RSF1: variants seen among roughly 807,000 people sequenced by gnomAD.
RSF1 encodes the protein HBV pX-associated protein 8.
Under a neutral mutation model 145.2 loss-of-function variants are expected in RSF1, and 13 were observed. That is an observed-to-expected ratio of 0.09 (90% CI 0.06 to 0.14). RSF1 has a LOEUF of 0.14. RSF1 is among the 10% of genes least tolerant of loss of function. The pLI, the probability that RSF1 is intolerant of heterozygous loss-of-function variation, is 1.00. For missense variants in RSF1, 1,517 were observed against 1,718.2 expected, an observed-to-expected ratio of 0.88 and a Z score of 2.07; for synonymous variants, 577 against 592.6, an observed-to-expected ratio of 0.97 and a Z score of 0.38.
intron 2 of RSF1, among the ~76,000 whole-genome samples, chr11:77,756,552 C>T (rs1444660704): frequency 6.6e-6 from 1 of 151,954 alleles, no homozygotes; most frequent in Non-Finnish European, 1.5e-5. Context: ...GACAAACGCT[C>T]GGATACCATG....
intron 1 of RSF1, among the ~76,000 whole-genome samples, chr11:77,792,063 G>T (rs2135967694): frequency 6.6e-6 from 1 of 152,306 alleles, no homozygotes; most frequent in East Asian, 1.9e-4. Context: ...AAAGAAAGAG[G>T]TTTATTGCAT....
intron 2 of RSF1, among the ~76,000 whole-genome samples, chr11:77,754,683 G>A (rs1215085093): frequency 6.6e-6 from 1 of 152,028 alleles, no homozygotes; most frequent in African/African-American, 2.4e-5. Flanking sequence ...GATGGTGGCT[G>A]CAGTGAGCTG....
At chr11:77,673,565 TAAAC>T (rs1444371599) in intron 14 of RSF1, among the ~76,000 whole-genome samples, 2 of 152,072 alleles carry the variant, frequency 1.3e-5, no homozygotes, top group Admixed American at 6.6e-5. Context: ...CTGTCATAAA[TAAAC>T]AAACATATGG....
intron 1 of RSF1, among the ~76,000 whole-genome samples, chr11:77,798,204 A>T (rs1948591390): frequency 6.6e-6 from 1 of 152,194 alleles, no homozygotes; most frequent in African/African-American, 2.4e-5. Flanking sequence ...AAGACACATG[A>T]ACACGTATGT....
the RSF1 span, among the ~76,000 whole-genome samples, chr11:77,832,973 GTGTGTGTGTGTGT>G: frequency 1.5e-5 from 1 of 64,816 alleles, no homozygotes; most frequent in African/African-American, 8.4e-5. Flanking sequence ...GTGTGTGTGT[GTGTGTGTGTGTGT>G]GTGTGTGTGT....
chr11:77,763,795 T>C (rs1247152206), intron 2 of RSF1: 2 of 152,104 alleles, frequency 1.3e-5, no homozygotes, highest in Non-Finnish European at 2.9e-5. Flanking sequence ...AGGCAGAAGA[T>C]ACCATATATG....
In RSF1 at chr11:77,686,614, T is replaced by A. The variant is rs1960014756; in HGVS notation, c.2901-1455A>T. Among the ~76,000 whole-genome samples the A allele has an allele frequency of 5.3e-5, 8 of 151,954 alleles. No individual in the cohort carries two copies. The South Asian group carries it at 1.7e-3, about 32-fold the overall frequency. ...GCTAGGTCTTTTAGAGTGCAGCCTT[T>A]AGTGCCCTGCTAACAAGAATATTCA... On this transcript the variant is annotated intron_variant, in intron 9 of 15. Transcript: ENST00000308488.
At chr11:77,813,619 T>C in intron 1 of RSF1, 1 of 621,652 alleles carries the variant, frequency 1.6e-6, no homozygotes, top group East Asian at 3.0e-5. Context: ...GTGATTCAAT[T>C]TCGGTGAACT....
intron 2 of RSF1, among the ~76,000 whole-genome samples, chr11:77,757,138 G>GA (rs1948124138): frequency 6.6e-6 from 1 of 152,096 alleles, no homozygotes; most frequent in South Asian, 2.1e-4. Flanking sequence ...ATTTGAGAAA[G>GA]AAAAAAACTA....
rs1174197291 is a variant in RSF1 at position 77,665,320 on chromosome 11, G to C, written c.*1597C>G. The C allele has an allele frequency of 3.9e-5, 6 of 152,146 alleles. No individual in the cohort carries two copies. Among genetic ancestry groups the C allele is most frequent in the Non-Finnish European group, 7.3e-5 (5 of 68,048 alleles). The allele number at this position is 152,146 out of a possible 1,614,324, so 9.4% of individuals were successfully genotyped here. On this transcript the variant is annotated 3_prime_UTR_variant, in exon 16 of 16. Transcript: ENST00000308488. Reference sequence around the variant, plus strand: ...CAGCAGCAGATATGGTGTGTCCATTGCCGGCAACAGACACAACACCGGAAC... The same window carrying C: ...CAGCAGCAGATATGGTGTGTCCATTCCCGGCAACAGACACAACACCGGAAC...
At position 77,701,784 on chromosome 11, in the gene RSF1, G is replaced by T; in HGVS notation, c.1445C>A (p.Thr482Lys). The T allele has an allele frequency of 6.2e-7, 1 of 1,613,790 alleles. No homozygotes were observed. Among genetic ancestry groups the T allele is most frequent in the African/African-American group, 1.3e-5 (1 of 75,004 alleles). Residue 482 changes from threonine to lysine, a missense_variant, in exon 6 of 16, where the codon ACG becomes AAG. By Grantham distance (78) the Thr-to-Lys change is moderately conservative (BLOSUM62 -1). Transcript: ENST00000308488. Reference protein sequence around the residue: ...YSPSKDRNIITEGNGTESLNS... With the variant: ...YSPSKDRNIIKEGNGTESLNS... Reference sequence around the variant, plus strand: ...TAAGGACTCTGTTCCATTTCCCTCCGTGATGATATTTCTGTCCTTAGAGGG... The same window carrying T: ...TAAGGACTCTGTTCCATTTCCCTCCTTGATGATATTTCTGTCCTTAGAGGG...
the RSF1 span, chr11:77,841,264 A>G: frequency 1.4e-6 from 1 of 702,210 alleles, no homozygotes; most frequent in African/African-American, 1.7e-5. Context: ...AGTTAAATTT[A>G]AACATGAGTT....
intron 1 of RSF1, among the ~76,000 whole-genome samples, chr11:77,772,194 G>A (rs1188248879): frequency 6.7e-6 from 1 of 149,702 alleles, no homozygotes; most frequent in African/African-American, 2.5e-5. Context: ...TTTTTTTTGA[G>A]ACAGGGTCTC....
At chr11:77,688,169 G>A (rs930773990) in intron 9 of RSF1, among the ~76,000 whole-genome samples, 2 of 152,170 alleles carry the variant, frequency 1.3e-5, no homozygotes, top group Admixed American at 6.5e-5. Flanking sequence ...GCGCGTGCCT[G>A]TAATCCCAGC....
At chr11:77,711,108 T>C (rs569094733) in intron 5 of RSF1, among the ~76,000 whole-genome samples, 199 of 135,632 alleles carry the variant, frequency 1.5e-3, no homozygotes, top group African/African-American at 5.4e-3. Flanking sequence ...AACACACACA[T>C]AGACACCCCC....
chr11:77,700,942 C>G lies in RSF1; in HGVS notation c.2287G>C (p.Glu763Gln). The G allele has an allele frequency of 6.2e-7, 1 of 1,612,706 alleles. No individual in the cohort carries two copies. The highest frequency in any genetic ancestry group is 8.5e-7 in the Non-Finnish European group (1 of 1,179,796). Residue 763 changes from glutamate (E) to glutamine (Q), a missense_variant, in exon 6 of 16, where the codon GAA becomes CAA. Physicochemically the swap from Glu to Gln is conservative, Grantham distance 29. This residue lies in a region of RSF1 where 579 missense variants were observed against 553.5 expected (regional missense o/e 1.05). Transcript: ENST00000308488. ...ACATTTGTTTTCTCCTCTTCCTTTT[C>G]TGTCTTCTCTTGCTTGTTTTCTGGT... ...LEPENKQEKT[E>Q]KEEEKTNVGR...
rs1222476183 is a variant in RSF1, at chr11:77,675,274, G to A, written c.3342-18C>T. 1 of 1,588,468 alleles carries A rather than the reference G, an allele frequency of 6.3e-7. No homozygotes were observed. The highest frequency in any genetic ancestry group is 8.6e-7 in the Non-Finnish European group (1 of 1,168,812). ...CTTGAGATCTGTCCAAGAGAAATCA[G>A]ATAAAATACAATGGTATTTAGAAGA... is the stretch of plus-strand genomic sequence containing the variant. On this transcript the variant is annotated intron_variant, in intron 13 of 15. Transcript: ENST00000308488.
At chr11:77,872,211 G>C in the RSF1 span, 4 of 1,613,664 alleles carry the variant, frequency 2.5e-6, no homozygotes, top group Admixed American at 6.7e-5. Flanking sequence ...CAAGAAACAT[G>C]GCATTGATGT....
rs199860673 is a variant in RSF1 at position 77,667,283 on chromosome 11, C to A, written c.3960G>T (p.Gln1320His). ...CCCTAGGCTGGCTGTCACGGGCAGG[C>A]TGATTTGCATCTCCATGAGCATTGT... ...SCDNAHGDAN[Q>H]PARDSQPRVL... Residue 1320 changes from glutamine (Q) to histidine (H), a missense_variant, in exon 16 of 16, where the codon CAG becomes CAT. By Grantham distance (24) the Gln-to-His change is conservative (BLOSUM62 0). Transcript: ENST00000308488. 1.1e-5 allele frequency: 17 copies of A among 1,614,064 alleles called. No individual in the cohort carries two copies. The highest frequency in any genetic ancestry group is 2.7e-5 in the African/African-American group (2 of 74,934).
Sources: allele counts gnomAD v4.1 joint callset (sites outside exome capture counted in the v4.1 genomes callset), GRCh38; gene constraint gnomAD v4.1.1; regional missense constraint gnomAD v4.1.1; transcripts MANE v1.5; gene names NCBI Gene and HGNC (gene_info 2026-07-23, HGNC 2026-07-21).